The following SPDYE5 variants were observed in gnomAD, a reference collection of about 807,000 sequenced individuals.
The protein encoded by SPDYE5 is speedy/RINGO cell cycle regulator family member E5, also known as speedy protein E5.
Under a neutral mutation model 48.5 loss-of-function variants are expected in SPDYE5, and 15 were observed. That is an observed-to-expected ratio of 0.31 (90% CI 0.21 to 0.48). The LOEUF is 0.48. SPDYE5 is among the 20% of genes least tolerant of loss of function. The pLI is 0.99. For missense variants in SPDYE5, 331 were observed against 549.1 expected, an observed-to-expected ratio of 0.60 and a Z score of 3.97; for synonymous variants, 116 against 200.7, an observed-to-expected ratio of 0.58 and a Z score of 3.57.
intron 3 of SPDYE5, among the ~76,000 whole-genome samples, 184 bp from the exon 4 acceptor site, chr7:75,496,490 G>A (rs1248650569): frequency 3.0e-4 from 43 of 142,902 alleles, no homozygotes; most frequent in African/African-American, 1.1e-3. Flanking sequence ...AGAAACGGGA[G>A]AATGGGGAGG....
chr7:75,503,294 T>C lies in SPDYE5; in HGVS notation c.*507T>C, dbSNP rs1406827150. The C allele has an allele frequency of 3.1e-5, 7 of 224,420 alleles. No homozygotes were observed. Among genetic ancestry groups the C allele is most frequent in the Non-Finnish European group, 6.3e-5 (7 of 111,222 alleles). 13.9% of individuals were successfully genotyped at this position (224,420 alleles called of 1,614,324 possible). A position where few individuals can be genotyped will look rare whatever the true frequency, so the allele number is the denominator to read the frequency against. On this transcript the variant is annotated 3_prime_UTR_variant, in exon 9 of 9. Transcript: ENST00000625065. Reference sequence around the variant, plus strand: ...ATGCACACTCTGCATTTTATTGGTTTGTTTGGAAAATGTTGGCCATTGAAT... The same window carrying C: ...ATGCACACTCTGCATTTTATTGGTTCGTTTGGAAAATGTTGGCCATTGAAT...
intron 6 of SPDYE5, among the ~76,000 whole-genome samples, chr7:75,499,708 AG>A (rs1554483136): frequency 1.4e-5 from 2 of 141,830 alleles, no homozygotes; most frequent in African/African-American, 2.6e-5. Context: ...TGGAGGTTGC[AG>A]TAAGCTAAGG....
Position 75,494,161 on chromosome 7 carries a change from G to C in SPDYE5, c.114G>C (p.Gly38=), listed in dbSNP as rs1253145714. Residue 38 remains glycine (G), a synonymous_variant, in exon 2 of 9, where the codon GGG becomes GGC. Coordinates refer to ENST00000625065, the MANE Select transcript of SPDYE5 (RefSeq NM_001306141.4). ...NEQSPQRSTS[G]YPLQEVVDDE... is the part of the protein sequence containing the mutation. Reference sequence around the variant, plus strand: ...AGAGTCCCCAGCGGAGCACCTCGGGGTACCCCCTCCAGGAGGTGGTGGATG... The same window carrying C: ...AGAGTCCCCAGCGGAGCACCTCGGGCTACCCCCTCCAGGAGGTGGTGGATG... 1.2e-5 allele frequency: 18 copies of C among 1,535,142 alleles called. No individual in the cohort carries two copies. Among genetic ancestry groups the C allele is most frequent in the Non-Finnish European group, 1.4e-5 (16 of 1,146,826 alleles).
At chr7:75,498,646 C>T (rs587684432) in intron 5 of SPDYE5, among the ~76,000 whole-genome samples, 1 of 152,300 alleles carries the variant, frequency 6.6e-6, no homozygotes, top group East Asian at 1.9e-4. Context: ...AACAGGGTCT[C>T]ACTATGTTGC....
chr7:75,499,586 G>A (rs587607720), intron 6 of SPDYE5, among the ~76,000 whole-genome samples: 1 of 152,074 alleles, frequency 6.6e-6, no homozygotes, highest in East Asian at 1.9e-4. Flanking sequence ...GGCCAACATG[G>A]CCAAACCCCG....
Position 75,504,031 on chromosome 7 carries a change from T to G in SPDYE5, c.*1244T>G, listed in dbSNP as rs1285237214. The G allele has an allele frequency of 1.3e-5, 2 of 152,052 alleles. No individual in the cohort carries two copies. The highest frequency in any genetic ancestry group is 4.8e-5 in the African/African-American group (2 of 41,434). 9.4% of individuals were successfully genotyped at this position (152,052 alleles called of 1,614,324 possible). ...CACGTGTTGCTGAAGGGAGCATGGTTTTTATCTGTGATACTTAGTTAACAT... is the reference window on the plus strand; with the variant it reads ...CACGTGTTGCTGAAGGGAGCATGGTGTTTATCTGTGATACTTAGTTAACAT... On this transcript the variant is annotated 3_prime_UTR_variant, in exon 9 of 9. Coordinates refer to ENST00000625065, the MANE Select transcript of SPDYE5 (RefSeq NM_001306141.4).
rs1481503885 is a variant in SPDYE5 at position 75,502,129 on chromosome 7, G to A, written c.*45+147G>A. 47 of 1,128,426 alleles carry A rather than the reference G, an allele frequency of 4.2e-5. No homozygotes were observed. In the East Asian group the frequency reaches 1.2e-3, roughly 28 times the overall value. 69.9% of individuals were successfully genotyped at this position (1,128,426 alleles called of 1,614,324 possible). A position where few individuals can be genotyped will look rare whatever the true frequency, so the allele number is the denominator to read the frequency against. Reference sequence around the variant, plus strand: ...AATACAAAAATTAGCCAGGCGATGTGGGAGGCATCTCTACTCCCAACTACT... The same window carrying A: ...AATACAAAAATTAGCCAGGCGATGTAGGAGGCATCTCTACTCCCAACTACT... On this transcript the variant is annotated intron_variant, in intron 8 of 8. Coordinates refer to ENST00000625065, the MANE Select transcript of SPDYE5 (RefSeq NM_001306141.4).
upstream of SPDYE5, among the ~76,000 whole-genome samples, chr7:75,492,049 C>T (rs1427111505): frequency 3.9e-5 from 6 of 152,018 alleles, no homozygotes; most frequent in Admixed American, 2.0e-4. Context: ...ACATCATTTA[C>T]GATGGGCATG....
In SPDYE5 at chr7:75,495,520, G is replaced by C. The variant is rs587614598; in HGVS notation, c.379+146G>C. The C allele has an allele frequency of 2.2e-4, 330 of 1,515,810 alleles. 2 individuals carry two copies. The South Asian group carries it at 4.0e-3, about 18-fold the overall frequency. The allele number at this position is 1,515,810 out of a possible 1,614,324, so 93.9% of individuals were successfully genotyped here. ...AGGACTCAGAAGTGATCACTCATGA[G>C]GGACACTTAGGAGACGATAGAGGAC... On this transcript the variant is annotated intron_variant, in intron 3 of 8. Coordinates refer to ENST00000625065, the MANE Select transcript of SPDYE5 (RefSeq NM_001306141.4).
Position 75,497,050 on chromosome 7 carries a change from G to A in SPDYE5, c.610+146G>A, listed in dbSNP as rs587615273. 3,065 of 616,266 alleles carry A rather than the reference G, an allele frequency of 5.0e-3. 57 individuals are homozygous for A. The highest frequency in any genetic ancestry group is 0.048 in the African/African-American group (2,566 of 53,954). The allele number at this position is 616,266 out of a possible 1,614,324, so 38.2% of individuals were successfully genotyped here. On this transcript the variant is annotated intron_variant, in intron 4 of 8. Coordinates refer to ENST00000625065, the MANE Select transcript of SPDYE5 (RefSeq NM_001306141.4). ...GGAATGTGAAGTGATCACTCATGAG[G>A]GACACTTAGGAGATGATAAAGGATT... is the stretch of plus-strand genomic sequence containing the variant.
At position 75,495,255 on chromosome 7, in the gene SPDYE5, C is replaced by G; in HGVS notation, c.260C>G (p.Ala87Gly). 6.3e-7 allele frequency: 1 copy of G among 1,576,590 alleles called. No homozygotes were observed. The highest frequency in any genetic ancestry group is 8.5e-7 in the Non-Finnish European group (1 of 1,169,844). Residue 87 changes from alanine (A) to glycine (G), a missense_variant, in exon 3 of 9, where the codon GCC (alanine) becomes GGC (glycine). Ala to Gly is a moderately conservative substitution (Grantham distance 60, BLOSUM62 0). Around this residue, in one of 8 missense-constraint regions of SPDYE5, gnomAD observed 65 missense variants for 138.2 expected, o/e 0.47. Coordinates refer to ENST00000625065, the MANE Select transcript of SPDYE5 (RefSeq NM_001306141.4). ...GCGGAGGAGCCGGAGAAGGAGCTCG[C>G]CCCTGAACCTGAGGAGACCTGGGTA... is the stretch of plus-strand genomic sequence containing the variant. The part of the protein sequence containing the change: ...ESAEEPEKEL[A>G]PEPEETWVVE...
Position 75,501,445 on chromosome 7 carries a change from G to C in SPDYE5, c.839G>C (p.Arg280Pro), listed in dbSNP as rs370350843. 1.2e-6 allele frequency: 2 copies of C among 1,610,640 alleles called. No homozygotes were observed. The highest frequency in any genetic ancestry group is 1.7e-6 in the Non-Finnish European group (2 of 1,178,916). The stretch of plus-strand genomic sequence containing the variant: ...TTCCTGTATGGGAAGAACCGCTCTC[G>C]CATACCCTTGCTCCGTAAGCGTTGG... ...FHFLYGKNRS[R>P]IPLLRKRWFQ... is the part of the protein sequence containing the mutation. Residue 280 changes from arginine to proline, a missense_variant, in exon 7 of 9, where the codon CGC (arginine) becomes CCC (proline). Around this residue, in one of 8 missense-constraint regions of SPDYE5, gnomAD observed 70 missense variants for 87.6 expected, o/e 0.80. Transcript: ENST00000625065.
intron 3 of SPDYE5, among the ~76,000 whole-genome samples, chr7:75,495,937 G>C (rs1792908461): frequency 6.6e-6 from 1 of 151,438 alleles, no homozygotes; most frequent in Admixed American, 6.6e-5. Context: ...GGCTGAGACA[G>C]GATAATTGCT....
intron 5 of SPDYE5, 147 bp downstream of exon 5, chr7:75,498,143 G>A: frequency 3.0e-6 from 3 of 1,011,194 alleles, no homozygotes; most frequent in Non-Finnish European, 4.1e-6. Flanking sequence ...TTTTTTTTGT[G>A]AGACAGAATC....
At chr7:75,500,963 C>A (rs1793127120) in intron 6 of SPDYE5, among the ~76,000 whole-genome samples, 1 of 152,218 alleles carries the variant, frequency 6.6e-6, no homozygotes, top group South Asian at 2.1e-4. Context: ...CTGCTTCATT[C>A]TTCTAAAGTG....
rs1554482337 is a variant in SPDYE5 at position 75,495,213 on chromosome 7, A to T, written c.218A>T (p.Glu73Val). ...TCCCTTGGCTGGAAAAGGAAGAGGG[A>T]GTGGTCAGATGAATCTGCGGAGGAG... Reference protein sequence around the residue: ...CRSLGWKRKREWSDESAEEPE... With the variant: ...CRSLGWKRKRVWSDESAEEPE... The change falls in exon 3 of 9, where the codon GAG becomes GTG. Residue 73 changes from glutamate to valine, a missense_variant. Around this residue, in one of 8 missense-constraint regions of SPDYE5, gnomAD observed 65 missense variants for 138.2 expected, o/e 0.47. Transcript: ENST00000625065. 2 of 1,597,340 alleles carry T rather than the reference A, an allele frequency of 1.3e-6. No homozygotes were observed. The highest frequency in any genetic ancestry group is 1.7e-6 in the Non-Finnish European group (2 of 1,179,806).
Position 75,493,741 on chromosome 7 carries a change from T to G in SPDYE5, c.-307T>G. The G allele has an allele frequency of 7.1e-7, 1 of 1,404,038 alleles. No individual in the cohort carries two copies. The highest frequency in any genetic ancestry group is 9.2e-7 in the Non-Finnish European group (1 of 1,082,682). 87.0% of individuals were successfully genotyped at this position (1,404,038 alleles called of 1,614,324 possible). ...AGGGAACAGAGGGATGTGGAGTCCCTGAAGATGCTTTTGGACAATGGTCTG... is the reference window on the plus strand; with the variant it reads ...AGGGAACAGAGGGATGTGGAGTCCCGGAAGATGCTTTTGGACAATGGTCTG... On this transcript the variant is annotated 5_prime_UTR_variant, in exon 2 of 9. An upstream open reading frame in the 5' UTR loses its in-frame stop. Transcript: ENST00000625065.
chr7:75,500,203 C>T (rs1325549027), intron 6 of SPDYE5, among the ~76,000 whole-genome samples: 3 of 141,854 alleles, frequency 2.1e-5, no homozygotes, highest in African/African-American at 8.0e-5. Context: ...AGTGTCAATT[C>T]TACAATCTCT....
In SPDYE5 at chr7:75,501,740, G is replaced by A. The variant is rs587723329; in HGVS notation, c.1134G>A (p.Pro378=). 33 of 1,612,634 alleles carry A rather than the reference G, an allele frequency of 2.0e-5. No individual in the cohort carries two copies. The highest frequency in any genetic ancestry group is 1.9e-4 in the Middle Eastern group (1 of 5,246). The change falls in exon 7 of 9, where the codon CCG becomes CCA. Residue 378 remains proline, a synonymous_variant. Coordinates refer to ENST00000625065, the MANE Select transcript of SPDYE5 (RefSeq NM_001306141.4). Reference sequence around the variant, plus strand: ...TGAGCGGCAGGGCTTGGGTTTCCCCGGAGGAGTTGGAGGAGGTAGGTGGGG... The same window carrying A: ...TGAGCGGCAGGGCTTGGGTTTCCCCAGAGGAGTTGGAGGAGGTAGGTGGGG... The part of the protein sequence containing the change: ...CSMSGRAWVS[P]EELEEIQAYD...
Sources: gnomAD v4.1 joint callset for allele counts (sites outside exome capture counted in the v4.1 genomes callset) on GRCh38, gnomAD v4.1.1 for gene constraint, gnomAD v4.1.1 regional missense constraint, MANE v1.5 for transcripts, NCBI Gene and HGNC (gene_info 2026-07-23, HGNC 2026-07-21) for gene names.